The following FAM178B variants were observed in gnomAD, a reference collection of about 807,000 sequenced individuals.
FAM178B encodes the protein family with sequence similarity 178 member B.
Under a neutral mutation model 91.7 loss-of-function variants are expected in FAM178B, and 82 were observed. The ratio of observed to expected loss-of-function variants is 0.89; its 90% CI spans 0.75 to 1.07. The LOEUF is 1.07. Among genes scored for constraint, FAM178B ranks in the 50% least tolerant of loss-of-function variants. The pLI, the probability that FAM178B is intolerant of heterozygous loss-of-function variation, is 0.00. For missense variants in FAM178B, 769 were observed against 846.7 expected (o/e 0.91, Z 1.14); for synonymous variants, 368 against 359.4 (o/e 1.02, Z -0.27).
At chr2:96,915,536 G>C (rs1002638761) in intron 12 of FAM178B, among the ~76,000 whole-genome samples, 1 of 152,104 alleles carries the variant, frequency 6.6e-6, no homozygotes, top group African/African-American at 2.4e-5. Context: ...GGAAATAAGA[G>C]GATGGGCACG....
At position 96,896,309 on chromosome 2, in the gene FAM178B, T is replaced by G. The variant is rs76525937; in HGVS notation, c.1651-2258A>C. On this transcript the variant is annotated intron_variant, in intron 13 of 16. Coordinates refer to ENST00000490605, the MANE Select transcript of FAM178B (RefSeq NM_001122646.3). ...GGCTGTGCTCAGTGCAGCAAGCTGCTGCCCCTGCGATCTGCCTGTGCCGTT... is the reference window on the plus strand; with the variant it reads ...GGCTGTGCTCAGTGCAGCAAGCTGCGGCCCCTGCGATCTGCCTGTGCCGTT... Among the ~76,000 whole-genome samples, 521 of 152,346 alleles carry G rather than the reference T, an allele frequency of 3.4e-3. 12 individuals carry two copies. The East Asian group carries it at 0.046, about 14-fold the overall frequency.
At chr2:96,968,469 T>C (rs1257009) in intron 4 of FAM178B, among the ~76,000 whole-genome samples, 122,552 of 151,964 alleles carry the variant, frequency 0.81, 50,760 homozygotes, top group Non-Finnish European at 0.88. Context: ...CCCTGTCTGG[T>C]CCCTCCAGGT....
Position 96,878,400 on chromosome 2 carries a change from C to A in FAM178B, c.1854+16G>T. The A allele has an allele frequency of 1.2e-6, 2 of 1,612,880 alleles. No homozygotes were observed. Among genetic ancestry groups the A allele is most frequent in the Non-Finnish European group, 1.7e-6 (2 of 1,179,206 alleles). On this transcript the variant is annotated intron_variant, in intron 15 of 16. Transcript: ENST00000490605. ...CTGGGCACCCCCACCACAGCCCTGC[C>A]CCTTGGGAGACTCACCCACTGGTCT...
chr2:96,878,659 C>T (rs1034121163), intron 14 of FAM178B, among the ~76,000 whole-genome samples, 166 bp from the exon 15 acceptor site: 1 of 152,212 alleles, frequency 6.6e-6, no homozygotes, highest in Non-Finnish European at 1.5e-5. Flanking sequence ...TCAAGGGGAC[C>T]TGGGTGAGCC....
intron 4 of FAM178B, among the ~76,000 whole-genome samples, chr2:96,968,362 A>T (rs900098838): frequency 2.6e-5 from 4 of 151,854 alleles, no homozygotes; most frequent in Non-Finnish European, 5.9e-5. Context: ...ACCTTGCCAG[A>T]GCCCCAACCC....
At chr2:96,886,855 G>A (rs751781556) in intron 14 of FAM178B, among the ~76,000 whole-genome samples, 5 of 152,148 alleles carry the variant, frequency 3.3e-5, no homozygotes, top group African/African-American at 4.8e-5. Flanking sequence ...CCATCCTCCC[G>A]AGTAGCTAGG....
intron 14 of FAM178B, 43 bp from the exon 15 acceptor site, chr2:96,878,536 C>A: frequency 1.3e-6 from 2 of 1,595,632 alleles, no homozygotes; most frequent in Non-Finnish European, 1.7e-6. Flanking sequence ...TAACTCCACC[C>A]AGGGCAGCAT....
intron 16 of FAM178B, 64 bp from the exon 17 acceptor site, chr2:96,876,372 C>A: frequency 6.4e-7 from 1 of 1,555,348 alleles, no homozygotes; most frequent in Non-Finnish European, 8.7e-7. Flanking sequence ...TGCCCTGCAG[C>A]TCCCCGGGCT....
chr2:96,893,254 C>T (rs932386283), intron 14 of FAM178B, among the ~76,000 whole-genome samples: 1 of 152,086 alleles, frequency 6.6e-6, no homozygotes, highest in African/African-American at 2.4e-5. Flanking sequence ...AAGCTGAGCC[C>T]GGGATGCCCA....
chr2:96,976,785 T>G (rs887517800), intron 1 of FAM178B, among the ~76,000 whole-genome samples: 4 of 150,976 alleles, frequency 2.6e-5, no homozygotes, highest in African/African-American at 9.8e-5. Context: ...GAGGCGGAGG[T>G]TGTAGTGAGC....
intron 12 of FAM178B, among the ~76,000 whole-genome samples, chr2:96,920,134 A>C (rs540851316): frequency 1.3e-5 from 2 of 152,040 alleles, no homozygotes; most frequent in Non-Finnish European, 2.9e-5. Context: ...GAAGAGGGAG[A>C]GAGAAGAGCA....
intron 14 of FAM178B, among the ~76,000 whole-genome samples, chr2:96,886,684 A>G (rs1432874411): frequency 6.6e-6 from 1 of 152,216 alleles, no homozygotes; most frequent in Non-Finnish European, 1.5e-5. Context: ...AGGGACAGAA[A>G]ACGTGATGCG....
rs114523437 is a variant in FAM178B, at chr2:96,943,238, T to G, written c.1078+4580A>C. Among the ~76,000 whole-genome samples the G allele has an allele frequency of 1.3e-3, 199 of 152,290 alleles. 1 individual carries two copies. Among genetic ancestry groups the G allele is most frequent in the African/African-American group, 4.5e-3 (188 of 41,564 alleles). ...AGAGAAAACATTTGCAAATCACATA[T>G]CTGGTAAAAAAGAGACCTCTTACCC... On this transcript the variant is annotated intron_variant, in intron 8 of 16. Transcript: ENST00000490605.
intron 14 of FAM178B, among the ~76,000 whole-genome samples, chr2:96,888,443 G>C (rs908086317): frequency 2.6e-5 from 4 of 152,248 alleles, no homozygotes; most frequent in Non-Finnish European, 5.9e-5. Context: ...GGGGGACAGA[G>C]GGTAAGTGGC....
chr2:96,916,498 A>T (rs13018621), intron 12 of FAM178B, among the ~76,000 whole-genome samples: 3,154 of 152,330 alleles, frequency 0.021, 48 homozygotes, highest in Non-Finnish European at 0.033. Flanking sequence ...AAGGAAGAGG[A>T]TCCCCAGAGC....
intron 8 of FAM178B, among the ~76,000 whole-genome samples, chr2:96,943,157 A>G (rs2081762766): frequency 6.6e-6 from 1 of 152,238 alleles, no homozygotes. Context: ...CAAAATTTTA[A>G]AATTTTGTAC....
chr2:96,910,797 A>AT (rs200071141), intron 12 of FAM178B, among the ~76,000 whole-genome samples: 1,938 of 136,200 alleles, frequency 0.014, 24 homozygotes, highest in African/African-American at 0.024. Flanking sequence ...TCTCTTCTTA[A>AT]TTTTTTTTTT....
intron 8 of FAM178B, among the ~76,000 whole-genome samples, chr2:96,939,678 A>T (rs1275473731): frequency 6.6e-6 from 1 of 152,174 alleles, no homozygotes; most frequent in African/African-American, 2.4e-5. Context: ...AGAGAGGGTG[A>T]GGTAAAATGA....
intron 1 of FAM178B, among the ~76,000 whole-genome samples, chr2:96,974,261 AGT>A (rs2082260570): frequency 6.6e-6 from 1 of 151,260 alleles, no homozygotes; most frequent in South Asian, 2.1e-4. Flanking sequence ...GGACGCCTGT[AGT>A]CCCAGCTACT....
Sources: gnomAD v4.1 joint callset for allele counts (sites outside exome capture counted in the v4.1 genomes callset) on GRCh38, gnomAD v4.1.1 for gene constraint, MANE v1.5 for transcripts, NCBI Gene and HGNC (gene_info 2026-07-23, HGNC 2026-07-21) for gene names.